LDLRAD4: variants seen among roughly 807,000 people sequenced by gnomAD.
LDLRAD4 encodes the protein low density lipoprotein receptor class A domain containing 4, also known as low-density lipoprotein receptor class A domain-containing protein 4.
In LDLRAD4, 5 loss-of-function variants were observed where a neutral mutation model predicts 17.0. The observed-to-expected ratio is 0.29, with a 90% CI of 0.15 to 0.62. LDLRAD4 has a LOEUF of 0.62. Ranked by LOEUF, LDLRAD4 falls within the 20% of genes least tolerant of loss-of-function variation. The pLI is 0.84. For synonymous variants in LDLRAD4, 168 were observed against 171.8 expected (o/e 0.98, Z 0.17); for missense variants, 340 against 424.7 (o/e 0.80, Z 1.75).
intron 1 of LDLRAD4, among the ~76,000 whole-genome samples, chr18:13,282,989 A>G (rs1192802201): frequency 6.6e-6 from 1 of 151,418 alleles, no homozygotes; most frequent in Non-Finnish European, 1.5e-5. Flanking sequence ...TGGGGCTTCC[A>G]CCCTCTGAAG....
intron 3 of LDLRAD4, among the ~76,000 whole-genome samples, chr18:13,571,586 T>C (rs2094691425): frequency 6.6e-6 from 1 of 152,226 alleles, no homozygotes; most frequent in Non-Finnish European, 1.5e-5. Flanking sequence ...CATAGGCCAG[T>C]GTTGCTTTGG....
chr18:13,500,987 C>T (rs6505817), intron 3 of LDLRAD4: 27,616 of 152,016 alleles, frequency 0.18, 2,943 homozygotes, highest in Middle Eastern at 0.37. Context: ...CATGCCCACC[C>T]GCCCCAAACC....
rs144655365 is a variant in LDLRAD4, at chr18:13,327,934, C to T, written c.-383+49746C>T. 8.5e-5 allele frequency among the ~76,000 whole-genome samples: 13 copies of T among 152,254 alleles called. No individual in the cohort carries two copies. In the East Asian group the frequency reaches 2.5e-3, roughly 29 times the overall value. ...AGCTCCCAGCCAAATGAATGGACCCCCTCTTGGCCAAGGGGCACCCAAAGA... is the reference window on the plus strand; with the variant it reads ...AGCTCCCAGCCAAATGAATGGACCCTCTCTTGGCCAAGGGGCACCCAAAGA... On this transcript the variant is annotated intron_variant, in intron 1 of 5. Coordinates refer to ENST00000359446, the Ensembl canonical transcript of LDLRAD4.
intron 2 of LDLRAD4, among the ~76,000 whole-genome samples, chr18:13,435,009 A>T (rs1431262600): frequency 2.6e-5 from 4 of 152,240 alleles, no homozygotes; most frequent in Non-Finnish European, 5.9e-5. Context: ...CAGTGCTGAA[A>T]GACGTCCAGG....
At chr18:13,543,612 A>G (rs2094317670) in intron 3 of LDLRAD4, 1 of 152,248 alleles carries the variant, frequency 6.6e-6, no homozygotes, top group African/African-American at 2.4e-5. Flanking sequence ...TATTAAAAGC[A>G]TTTGTAGATT....
At chr18:13,543,484 G>A (rs1448391704) in intron 3 of LDLRAD4, 1 of 152,180 alleles carries the variant, frequency 6.6e-6, no homozygotes, top group African/African-American at 2.4e-5. Flanking sequence ...TGCAATTTAA[G>A]AGTCTAAAAG....
At chr18:13,519,532 G>A (rs943221274) in intron 3 of LDLRAD4, among the ~76,000 whole-genome samples, 3 of 152,250 alleles carry the variant, frequency 2.0e-5, no homozygotes, top group South Asian at 2.1e-4. Flanking sequence ...AGGCCGAGGC[G>A]GGCAGATTGC....
At chr18:13,307,923 A>T (rs901047622) in intron 1 of LDLRAD4, among the ~76,000 whole-genome samples, 4 of 152,236 alleles carry the variant, frequency 2.6e-5, no homozygotes, top group Non-Finnish European at 1.5e-5. Flanking sequence ...GCGGGCTGGC[A>T]TCCCTAACCT....
intron 3 of LDLRAD4, among the ~76,000 whole-genome samples, chr18:13,574,905 G>T (rs537950065): frequency 6.6e-6 from 1 of 152,080 alleles, no homozygotes; most frequent in Non-Finnish European, 1.5e-5. Flanking sequence ...TTTGTCTCTT[G>T]CCCCCATACG....
chr18:13,381,615 T>C (rs533796465), intron 1 of LDLRAD4, among the ~76,000 whole-genome samples: 1 of 152,186 alleles, frequency 6.6e-6, no homozygotes, highest in Non-Finnish European at 1.5e-5. Context: ...TCTTTACTGT[T>C]AGGAGATCTT....
At chr18:13,436,502 A>AC (rs2090667027) in intron 2 of LDLRAD4, among the ~76,000 whole-genome samples, 1 of 152,204 alleles carries the variant, frequency 6.6e-6, no homozygotes, top group Non-Finnish European at 1.5e-5. Flanking sequence ...TTCAATTCAG[A>AC]TTAGTATTCC....
intron 3 of LDLRAD4, chr18:13,585,509 G>A: frequency 6.6e-6 from 1 of 152,150 alleles, no homozygotes; most frequent in Non-Finnish European, 1.5e-5. Context: ...TCATTCTGAT[G>A]ATTAGTAATT....
At chr18:13,395,976 G>T (rs539065639) in intron 2 of LDLRAD4, among the ~76,000 whole-genome samples, 3 of 152,094 alleles carry the variant, frequency 2.0e-5, no homozygotes, top group African/African-American at 7.2e-5. Context: ...ACAGGCCAAG[G>T]GTCTTCAAAC....
chr18:13,492,962 AAAT>A lies in LDLRAD4; in HGVS notation c.181+54581_181+54583del, dbSNP rs138515094. On this transcript the variant is annotated intron_variant, in intron 3 of 5. Coordinates refer to ENST00000359446, the Ensembl canonical transcript of LDLRAD4. The stretch of plus-strand genomic sequence containing the variant: ...CAAGACCCTGTCTTCACAAAAATAA[AAAT>A]AACAGTAGCTGGGCATGGTTGTGTG... 8.9e-3 allele frequency among the ~76,000 whole-genome samples: 1,356 copies of A among 152,150 alleles called. 19 individuals are homozygous for A. Among genetic ancestry groups the A allele is most frequent in the African/African-American group, 0.031 (1,307 of 41,508 alleles).
At chr18:13,441,506 G>A (rs2146218247) in intron 3 of LDLRAD4, among the ~76,000 whole-genome samples, 1 of 152,354 alleles carries the variant, frequency 6.6e-6, no homozygotes, top group South Asian at 2.1e-4. Context: ...CCACCTGGGG[G>A]ATATACTCAG....
intron 4 of LDLRAD4, among the ~76,000 whole-genome samples, chr18:13,630,484 C>G (rs1158651746): frequency 6.6e-6 from 1 of 152,208 alleles, no homozygotes; most frequent in Non-Finnish European, 1.5e-5. Context: ...AGATCAATTT[C>G]ACCTCTTCTT....
At chr18:13,616,367 C>A (rs922943741) in intron 3 of LDLRAD4, among the ~76,000 whole-genome samples, 1 of 152,188 alleles carries the variant, frequency 6.6e-6, no homozygotes, top group African/African-American at 2.4e-5. Flanking sequence ...TTTCCAAGAA[C>A]CTGTTGACTG....
At chr18:13,468,931 C>T (rs911222610) in intron 3 of LDLRAD4, among the ~76,000 whole-genome samples, 8 of 151,960 alleles carry the variant, frequency 5.3e-5, no homozygotes, top group African/African-American at 1.9e-4. Flanking sequence ...AGCACACCAA[C>T]ATGGCACGTG....
At chr18:13,303,188 C>A in intron 1 of LDLRAD4, among the ~76,000 whole-genome samples, 1 of 152,336 alleles carries the variant, frequency 6.6e-6, no homozygotes, top group African/African-American at 2.4e-5. Context: ...GCCTAGACCC[C>A]GGCCCAGATG....
Sources: allele counts gnomAD v4.1 joint callset (sites outside exome capture counted in the v4.1 genomes callset), GRCh38; gene constraint gnomAD v4.1.1; transcripts MANE v1.5; gene names NCBI Gene and HGNC (gene_info 2026-07-23, HGNC 2026-07-21).